The following TMEM38B variants were observed in gnomAD, a reference collection of about 807,000 sequenced individuals.
TMEM38B encodes trimeric intracellular cation channel type B.
Under a neutral mutation model 28.7 loss-of-function variants are expected in TMEM38B, and 24 were observed. The observed-to-expected ratio is 0.84, with a 90% confidence interval of 0.61 to 1.18. The LOEUF (loss-of-function observed/expected upper bound fraction) is 1.18. Among genes scored for constraint, TMEM38B ranks in the 50% most tolerant of loss-of-function variants. The pLI, the probability that TMEM38B is intolerant of heterozygous loss-of-function variation, is 0.00. For synonymous variants in TMEM38B, 131 were observed against 127.7 expected (o/e 1.03, Z -0.17); for missense variants, 380 against 350.9 (o/e 1.08, Z -0.66).
intron 5 of TMEM38B, among the ~76,000 whole-genome samples, chr9:105,753,537 C>G (rs758590978): frequency 7.9e-5 from 12 of 152,108 alleles, no homozygotes; most frequent in Non-Finnish European, 1.6e-4. Context: ...AAAGAATTTC[C>G]AACCCAGAAT....
At chr9:105,709,919 G>A (rs967953922) in intron 2 of TMEM38B, among the ~76,000 whole-genome samples, 2 of 152,160 alleles carry the variant, frequency 1.3e-5, no homozygotes, top group African/African-American at 4.8e-5. Context: ...AAGAGACTAC[G>A]GCTGTCTTCC....
Position 105,724,420 on chromosome 9 carries a change from C to T in TMEM38B, c.542+1799C>T, listed in dbSNP as rs191983418. On this transcript the variant is annotated intron_variant, in intron 4 of 5. Transcript: ENST00000374692. ...GAGGCCGAGGCAGGCGTCAGGAGTT[C>T]GACACGAGCCTGGGCAACATGGTGA... Among the ~76,000 whole-genome samples, 48 of 151,906 alleles carry T rather than the reference C, an allele frequency of 3.2e-4. No homozygotes were observed. In the East Asian group the frequency reaches 8.3e-3, roughly 26 times the overall value.
At chr9:105,746,383 GT>G (rs1837392893) in intron 4 of TMEM38B, among the ~76,000 whole-genome samples, 1 of 152,138 alleles carries the variant, frequency 6.6e-6, no homozygotes, top group African/African-American at 2.4e-5. Context: ...CTATTTGTCT[GT>G]TATTGGTGTA....
chr9:105,731,509 A>C (rs1836746633), intron 4 of TMEM38B, among the ~76,000 whole-genome samples: 1 of 151,922 alleles, frequency 6.6e-6, no homozygotes, highest in Admixed American at 6.6e-5. Flanking sequence ...CCCTGTGTCC[A>C]AGTGTTCTCA....
intron 3 of TMEM38B, 26 bp from the exon 4 acceptor site, chr9:105,722,508 T>G: frequency 3.1e-6 from 5 of 1,601,896 alleles, no homozygotes; most frequent in Non-Finnish European, 4.3e-6. Context: ...TGGCCAAATA[T>G]TCTTGTTTTA....
intron 2 of TMEM38B, among the ~76,000 whole-genome samples, chr9:105,717,319 G>A (rs1435467995): frequency 6.6e-6 from 1 of 152,102 alleles, no homozygotes; most frequent in East Asian, 1.9e-4. Flanking sequence ...TAATATAATG[G>A]CATTATCTAA....
At chr9:105,704,526 G>A (rs1436402244) in intron 1 of TMEM38B, among the ~76,000 whole-genome samples, 2 of 151,904 alleles carry the variant, frequency 1.3e-5, no homozygotes, top group Admixed American at 1.3e-4. Context: ...AAAAATATAA[G>A]CCAGTTGTTG....
intron 4 of TMEM38B, among the ~76,000 whole-genome samples, chr9:105,738,607 T>G (rs1279826409): frequency 6.6e-6 from 1 of 152,066 alleles, no homozygotes; most frequent in African/African-American, 2.4e-5. Context: ...CAATTTTTGA[T>G]GTCAAGAAGA....
At chr9:105,761,077 A>G (rs1838028661) in intron 5 of TMEM38B, among the ~76,000 whole-genome samples, 1 of 152,202 alleles carries the variant, frequency 6.6e-6, no homozygotes, top group Non-Finnish European at 1.5e-5. Flanking sequence ...TTAAACTATA[A>G]TTCTGTTTTT....
intron 5 of TMEM38B, among the ~76,000 whole-genome samples, chr9:105,764,803 G>T (rs1169672082): frequency 2.0e-5 from 3 of 151,348 alleles, no homozygotes; most frequent in East Asian, 3.9e-4. Flanking sequence ...AACAAAGCTG[G>T]AGGCATCACA....
chr9:105,737,577 T>A (rs1401938858), intron 4 of TMEM38B, among the ~76,000 whole-genome samples: 1 of 152,132 alleles, frequency 6.6e-6, no homozygotes, highest in East Asian at 1.9e-4. Context: ...GTGGGATGCC[T>A]CAGCAGCGTA....
chr9:105,746,387 T>G (rs1377123994), intron 4 of TMEM38B, among the ~76,000 whole-genome samples: 1 of 152,218 alleles, frequency 6.6e-6, no homozygotes, highest in Non-Finnish European at 1.5e-5. Context: ...TTGTCTGTTA[T>G]TGGTGTATAA....
intron 1 of TMEM38B, among the ~76,000 whole-genome samples, chr9:105,698,032 C>G (rs534091180): frequency 4.0e-5 from 6 of 151,862 alleles, no homozygotes; most frequent in Non-Finnish European, 8.8e-5. Context: ...TGAACTGGTT[C>G]TGCTCTAGAC....
intron 4 of TMEM38B, among the ~76,000 whole-genome samples, chr9:105,725,772 C>G (rs1371434619): frequency 6.6e-6 from 1 of 152,036 alleles, no homozygotes; most frequent in African/African-American, 2.4e-5. Flanking sequence ...GGGTACTTAG[C>G]AAGAATGAAG....
At chr9:105,741,947 T>TA (rs1198978064) in intron 4 of TMEM38B, among the ~76,000 whole-genome samples, 1 of 152,180 alleles carries the variant, frequency 6.6e-6, no homozygotes, top group Admixed American at 6.6e-5. Flanking sequence ...ATTCAATTGT[T>TA]ATAGCAGAAG....
At chr9:105,700,202 A>G (rs1835419095) in intron 1 of TMEM38B, among the ~76,000 whole-genome samples, 1 of 152,172 alleles carries the variant, frequency 6.6e-6, no homozygotes, top group Admixed American at 6.5e-5. Context: ...TGGGCATTAT[A>G]TTAGATGTTT....
rs1160673335 is a variant in TMEM38B, at chr9:105,710,453, C to G, written c.269+4700C>G. Reference sequence around the variant, plus strand: ...TCTGTATCTGTCATAATCATCATAGCGTGAAGAACTGTACATATTCCTCCC... The same window carrying G: ...TCTGTATCTGTCATAATCATCATAGGGTGAAGAACTGTACATATTCCTCCC... On this transcript the variant is annotated intron_variant, in intron 2 of 5. Coordinates refer to ENST00000374692, the MANE Select transcript of TMEM38B (RefSeq NM_018112.3). 31 of 1,404,542 alleles carry G rather than the reference C, an allele frequency of 2.2e-5. 1 individual carries two copies. In the South Asian group the frequency reaches 3.6e-4, roughly 16 times the overall value. The allele number at this position is 1,404,542 out of a possible 1,614,324, so 87.0% of individuals were successfully genotyped here. A position where few individuals can be genotyped will look rare whatever the true frequency, so the allele number is the denominator to read the frequency against.
intron 5 of TMEM38B, among the ~76,000 whole-genome samples, chr9:105,757,853 T>G (rs1197723047): frequency 6.6e-6 from 1 of 152,108 alleles, no homozygotes; most frequent in Admixed American, 6.5e-5. Flanking sequence ...TATAAACTAT[T>G]TTAAAGGGAT....
At chr9:105,738,027 G>A (rs529385738) in intron 4 of TMEM38B, among the ~76,000 whole-genome samples, 1 of 152,244 alleles carries the variant, frequency 6.6e-6, no homozygotes, top group Admixed American at 6.5e-5. Flanking sequence ...AAACCTCAGG[G>A]ATGGAAGGGT....
Sources: allele counts gnomAD v4.1 joint callset (sites outside exome capture counted in the v4.1 genomes callset), GRCh38; gene constraint gnomAD v4.1.1; transcripts MANE v1.5; gene names NCBI Gene and HGNC (gene_info 2026-07-23, HGNC 2026-07-21).